The following STIM1 variants were observed in gnomAD, a reference collection of about 807,000 sequenced individuals.
STIM1 encodes stromal interaction molecule 1.
STIM1 carries 25 observed loss-of-function variants against 74.7 expected under a neutral mutation model. The ratio of observed to expected loss-of-function variants is 0.33; its 90% CI spans 0.24 to 0.47. The LOEUF is 0.47. Ranked by LOEUF, STIM1 falls within the 20% of genes least tolerant of loss-of-function variation. The probability of loss-of-function intolerance (pLI) is 1.00; values close to 1 mark genes in which losing one functional copy is unlikely to be tolerated. For synonymous variants in STIM1, 328 were observed against 348.8 expected, an observed-to-expected ratio of 0.94 and a Z score of 0.66; for missense variants, 728 against 920.8, an observed-to-expected ratio of 0.79 and a Z score of 2.71.
chr11:4,076,566 C>G (rs2094438620), intron 7 of STIM1, among the ~76,000 whole-genome samples: 1 of 150,902 alleles, frequency 6.6e-6, no homozygotes, highest in Admixed American at 6.6e-5. Flanking sequence ...CTTCCCTATC[C>G]CCAAGATATT....
intron 1 of STIM1, among the ~76,000 whole-genome samples, chr11:3,928,758 A>G (rs2092821139): frequency 2.0e-5 from 3 of 152,212 alleles, no homozygotes; most frequent in Non-Finnish European, 4.4e-5. Context: ...GAGTAAAGAA[A>G]AGACCATACA....
rs1246143538 is a variant in STIM1, at chr11:3,991,169, CT to C, written c.270+23506del. 7.4e-3 allele frequency among the ~76,000 whole-genome samples: 915 copies of C among 124,188 alleles called. 5 individuals carry two copies. Among genetic ancestry groups the C allele is most frequent in the African/African-American group, 0.022 (757 of 33,784 alleles). The allele number at this position is 124,188 out of a possible 152,430, so 81.5% of individuals were successfully genotyped here. ...ATATGTACCACATTTTCTTTCCTTT[CT>C]TTTTTTTTTTTTTTTTTTGAGTCAG... On this transcript the variant is annotated intron_variant, in intron 2 of 12. Transcript: ENST00000526596.
Position 3,933,093 on chromosome 11 carries a change from TA to T in STIM1, c.140-34458del, listed in dbSNP as rs2092889755. On this transcript the variant is annotated intron_variant, in intron 1 of 12. Transcript: ENST00000526596. ...TCTCACACCCATCCATTGTCTTGAG[TA>T]CACCTAAGGTGGTATTTTAGCTGTG... 2.0e-5 allele frequency among the ~76,000 whole-genome samples: 3 copies of T among 152,344 alleles called. No homozygotes were observed. The South Asian group carries it at 6.2e-4, about 32-fold the overall frequency.
At chr11:4,054,334 T>C (rs2094270406) in intron 3 of STIM1, among the ~76,000 whole-genome samples, 1 of 152,170 alleles carries the variant, frequency 6.6e-6, no homozygotes, top group Admixed American at 6.5e-5. Context: ...CAAGACTCTT[T>C]GTGACATGGC....
intron 3 of STIM1, among the ~76,000 whole-genome samples, chr11:4,050,185 G>A (rs1269070154): frequency 6.6e-6 from 1 of 152,160 alleles, no homozygotes; most frequent in African/African-American, 2.4e-5. Flanking sequence ...AGCACTATGG[G>A]CAGAAAGATG....
At chr11:3,914,028 C>T (rs1246259658) in intron 1 of STIM1, among the ~76,000 whole-genome samples, 2 of 152,138 alleles carry the variant, frequency 1.3e-5, no homozygotes, top group East Asian at 3.9e-4. Flanking sequence ...AATTTAATTA[C>T]AGTAATTACA....
chr11:3,900,175 G>A (rs542288332), intron 1 of STIM1, among the ~76,000 whole-genome samples: 3 of 152,276 alleles, frequency 2.0e-5, no homozygotes, highest in Admixed American at 6.5e-5. Context: ...CTGCCTTGCA[G>A]TTTGATCTCA....
intron 1 of STIM1, among the ~76,000 whole-genome samples, chr11:3,867,825 A>G (rs150843037): frequency 1.2e-3 from 176 of 150,386 alleles, no homozygotes; most frequent in African/African-American, 4.2e-3. Context: ...GGCCTAGGTA[A>G]TGACCAGAAA....
chr11:3,991,355 G>A (rs2093609679), intron 2 of STIM1, among the ~76,000 whole-genome samples: 1 of 151,428 alleles, frequency 6.6e-6, no homozygotes, highest in Non-Finnish European at 1.5e-5. Context: ...TTGTTTTGTA[G>A]ATACGGGGTT....
intron 5 of STIM1, among the ~76,000 whole-genome samples, chr11:4,069,305 A>C (rs146287274): frequency 1.6e-3 from 243 of 152,240 alleles, no homozygotes; most frequent in African/African-American, 5.4e-3. Context: ...GCATTCTTTG[A>C]ACCCCAGCTG....
intron 5 of STIM1, among the ~76,000 whole-genome samples, chr11:4,065,615 A>C (rs1376870187): frequency 1.3e-5 from 2 of 152,106 alleles, no homozygotes; most frequent in Non-Finnish European, 2.9e-5. Context: ...TGTGTGCTAG[A>C]AGTTATATGG....
chr11:4,031,561 T>G (rs1590661568), intron 3 of STIM1, among the ~76,000 whole-genome samples: 1 of 152,332 alleles, frequency 6.6e-6, no homozygotes, highest in Admixed American at 6.5e-5. Flanking sequence ...GTATGGTTGG[T>G]CTACTTAATT....
chr11:3,907,986 C>T (rs2092495172), intron 1 of STIM1, among the ~76,000 whole-genome samples: 1 of 152,170 alleles, frequency 6.6e-6, no homozygotes. Flanking sequence ...AGCAATCCCT[C>T]CCCCACCACA....
chr11:3,942,794 T>G (rs1160266640), intron 1 of STIM1, among the ~76,000 whole-genome samples: 3 of 152,224 alleles, frequency 2.0e-5, no homozygotes, highest in African/African-American at 7.2e-5. Flanking sequence ...TAAGGCCATT[T>G]GTGGTACCAG....
intron 2 of STIM1, among the ~76,000 whole-genome samples, chr11:3,984,596 A>G (rs1162556288): frequency 6.6e-6 from 1 of 152,328 alleles, no homozygotes; most frequent in East Asian, 1.9e-4. Flanking sequence ...AGTTCAAGTT[A>G]TTTGGCCCAG....
intron 2 of STIM1, among the ~76,000 whole-genome samples, chr11:3,995,714 G>A (rs191989685): frequency 1.1e-4 from 17 of 152,064 alleles, no homozygotes; most frequent in Admixed American, 1.0e-3. Flanking sequence ...GCGTGATCAT[G>A]GCCCACTGCA....
chr11:3,884,761 G>C (rs1367785302), intron 1 of STIM1, among the ~76,000 whole-genome samples: 2 of 149,760 alleles, frequency 1.3e-5, no homozygotes, highest in Non-Finnish European at 3.0e-5. Context: ...CACCATGGGT[G>C]ACAGAGCCAG....
intron 1 of STIM1, among the ~76,000 whole-genome samples, chr11:3,879,941 T>G (rs1031030030): frequency 3.3e-5 from 5 of 152,210 alleles, no homozygotes; most frequent in African/African-American, 1.2e-4. Context: ...ATTCTCTTTC[T>G]GTGGCTATTA....
intron 7 of STIM1, among the ~76,000 whole-genome samples, chr11:4,077,577 A>T (rs1008958286): frequency 6.6e-6 from 1 of 152,180 alleles, no homozygotes; most frequent in African/African-American, 2.4e-5. Flanking sequence ...ACTCTAGAAT[A>T]TACATTCTTT....
Sources: gnomAD v4.1 joint callset for allele counts (sites outside exome capture counted in the v4.1 genomes callset) on GRCh38, gnomAD v4.1.1 for gene constraint, MANE v1.5 for transcripts, NCBI Gene and HGNC (gene_info 2026-07-23, HGNC 2026-07-21) for gene names.